The following NBAS variants were observed in gnomAD, a reference collection of about 807,000 sequenced individuals.
The protein encoded by NBAS is NBAS subunit of NRZ tethering complex, also known as NAG/BC035112 fusion.
NBAS carries 219 observed loss-of-function variants against 302.5 expected under a neutral mutation model. The ratio of observed to expected loss-of-function variants is 0.72; its 90% CI spans 0.65 to 0.81. The LOEUF (loss-of-function observed/expected upper bound fraction) is 0.81. Ranked by LOEUF, NBAS falls within the 30% of genes least tolerant of loss-of-function variation. The pLI is 0.00. For missense variants in NBAS, 2,932 were observed against 2,841.6 expected (o/e 1.03, Z -0.72); for synonymous variants, 1,118 against 1,021.6 (o/e 1.09, Z -1.80).
At chr2:15,028,604 T>C in the NBAS span, among the ~76,000 whole-genome samples, 2 of 152,220 alleles carry the variant, frequency 1.3e-5, no homozygotes, top group Non-Finnish European at 2.9e-5. Context: ...TTGAGCAATC[T>C]GTGTTCCTCT....
chr2:15,146,975 A>AG, the NBAS span, among the ~76,000 whole-genome samples: 1 of 152,200 alleles, frequency 6.6e-6, no homozygotes, highest in African/African-American at 2.4e-5. Flanking sequence ...GTTCGAGGAC[A>AG]GGGTTGCTCT....
intron 33 of NBAS, among the ~76,000 whole-genome samples, chr2:15,353,925 C>T (rs1213178296): frequency 6.6e-6 from 1 of 152,142 alleles, no homozygotes; most frequent in Non-Finnish European, 1.5e-5. Context: ...CTACTCTAAA[C>T]AAGTGTTTCT....
At chr2:15,493,941 T>C (rs1252885992) in intron 11 of NBAS, among the ~76,000 whole-genome samples, 1 of 150,572 alleles carries the variant, frequency 6.6e-6, no homozygotes, top group African/African-American at 2.4e-5. Flanking sequence ...TTCTCCTGCC[T>C]CAGCCTCCCA....
At chr2:15,429,168 A>C (rs1235578079) in intron 21 of NBAS, among the ~76,000 whole-genome samples, 3 of 152,104 alleles carry the variant, frequency 2.0e-5, no homozygotes, top group Non-Finnish European at 4.4e-5. Flanking sequence ...TGAGCTAGGC[A>C]CTCTCTGGCA....
the NBAS span, among the ~76,000 whole-genome samples, chr2:15,021,654 T>G: frequency 1.7e-5 from 1 of 58,310 alleles, no homozygotes; most frequent in East Asian, 0.022. Context: ...GCATGAAGAC[T>G]TCTTGGAAGA....
chr2:14,873,326 G>C, the NBAS span, among the ~76,000 whole-genome samples: 4 of 152,146 alleles, frequency 2.6e-5, no homozygotes, highest in Non-Finnish European at 5.9e-5. Flanking sequence ...AGCCCAACTC[G>C]CTTCACCTCT....
At chr2:14,795,027 G>C in the NBAS span, among the ~76,000 whole-genome samples, 1 of 152,026 alleles carries the variant, frequency 6.6e-6, no homozygotes, top group African/African-American at 2.4e-5. Context: ...GTTGTTTCCA[G>C]TTTTTGGTTA....
chr2:14,802,120 T>C, the NBAS span, among the ~76,000 whole-genome samples: 1 of 141,900 alleles, frequency 7.0e-6, no homozygotes, highest in Non-Finnish European at 1.5e-5. Context: ...TGAATGGTAA[T>C]GCCTAGGTTT....
Position 15,479,465 on chromosome 2 carries a change from G to A in NBAS, c.1084-1176C>T, listed in dbSNP as rs574648865. On this transcript the variant is annotated intron_variant, in intron 12 of 51. Coordinates refer to ENST00000281513, the MANE Select transcript of NBAS (RefSeq NM_015909.4). ...CACATGCATGCCACCATGTATTTAC[G>A]TGGCACATGTACCTTCCTACTTACA... Among the ~76,000 whole-genome samples, 5 of 152,138 alleles carry A rather than the reference G, an allele frequency of 3.3e-5. No individual in the cohort carries two copies. The East Asian group carries it at 9.7e-4, about 29-fold the overall frequency.
intron 14 of NBAS, among the ~76,000 whole-genome samples, chr2:15,474,802 C>A (rs1454561999): frequency 6.6e-6 from 1 of 152,116 alleles, no homozygotes; most frequent in Non-Finnish European, 1.5e-5. Context: ...CTTAATTGAT[C>A]CACCCGCCTT....
chr2:15,286,322 CT>C (rs1487501529), intron 42 of NBAS, among the ~76,000 whole-genome samples: 2 of 152,168 alleles, frequency 1.3e-5, no homozygotes, highest in Non-Finnish European at 2.9e-5. Context: ...CCAAAGTGAT[CT>C]TATCAAAATG....
At chr2:15,394,735 T>C (rs1479928070) in intron 27 of NBAS, among the ~76,000 whole-genome samples, 1 of 152,126 alleles carries the variant, frequency 6.6e-6, no homozygotes, top group African/African-American at 2.4e-5. Flanking sequence ...GCAAGACTAC[T>C]AGAAAAGCAA....
At chr2:14,999,411 T>C in the NBAS span, among the ~76,000 whole-genome samples, 1 of 152,114 alleles carries the variant, frequency 6.6e-6, no homozygotes, top group Non-Finnish European at 1.5e-5. Flanking sequence ...CAAATCTCCA[T>C]GTTGAATTGT....
chr2:14,944,254 C>T, the NBAS span, among the ~76,000 whole-genome samples: 3 of 152,094 alleles, frequency 2.0e-5, no homozygotes, highest in South Asian at 2.1e-4. Context: ...GAGCCGAGAT[C>T]GATCGCACCA....
chr2:15,305,710 G>C (rs1257367819), intron 40 of NBAS, among the ~76,000 whole-genome samples: 8 of 152,132 alleles, frequency 5.3e-5, no homozygotes, highest in African/African-American at 1.9e-4. Flanking sequence ...GTCTCCCAAA[G>C]TGTTGTGATT....
intron 44 of NBAS, among the ~76,000 whole-genome samples, chr2:15,267,359 AGC>A (rs775200257): frequency 5.9e-4 from 90 of 152,324 alleles, no homozygotes; most frequent in Non-Finnish European, 1.1e-3. Flanking sequence ...ACTAGACCAA[AGC>A]CAGAGATCAA....
intron 9 of NBAS, among the ~76,000 whole-genome samples, chr2:15,526,433 C>T (rs561148081): frequency 2.6e-5 from 4 of 152,200 alleles, no homozygotes; most frequent in Non-Finnish European, 4.4e-5. Flanking sequence ...CCAATTTATC[C>T]AAATTCAACT....
intron 32 of NBAS, among the ~76,000 whole-genome samples, chr2:15,358,150 C>T (rs1277856271): frequency 6.6e-6 from 1 of 152,090 alleles, no homozygotes; most frequent in African/African-American, 2.4e-5. Flanking sequence ...GACCTGCATA[C>T]CCTACCACTC....
chr2:15,338,485 T>C (rs143890548), intron 35 of NBAS, among the ~76,000 whole-genome samples: 5 of 152,146 alleles, frequency 3.3e-5, no homozygotes, highest in African/African-American at 1.2e-4. Flanking sequence ...AAAAATACTC[T>C]ATGGAGTAAA....
Sources: gnomAD v4.1 joint callset for allele counts (sites outside exome capture counted in the v4.1 genomes callset) on GRCh38, gnomAD v4.1.1 for gene constraint, MANE v1.5 for transcripts, NCBI Gene and HGNC (gene_info 2026-07-23, HGNC 2026-07-21) for gene names.